MYRFL: variants seen among roughly 807,000 people sequenced by gnomAD.
MYRFL encodes the protein myelin regulatory factor-like protein.
A neutral mutation model predicts 109.4 loss-of-function variants in MYRFL; 88 were observed. The ratio of observed to expected loss-of-function variants is 0.80; its 90% CI spans 0.68 to 0.96. MYRFL has a LOEUF of 0.96. MYRFL is among the 40% of genes least tolerant of loss of function. MYRFL has a pLI of 0.00. For synonymous variants in MYRFL, 324 were observed against 320.9 expected, an observed-to-expected ratio of 1.01 and a Z score of -0.10; for missense variants, 957 against 954.9, an observed-to-expected ratio of 1.00 and a Z score of -0.03.
Position 69,854,309 on chromosome 12 carries a change from C to G in MYRFL, c.47-971C>G, listed in dbSNP as rs112044951. The stretch of plus-strand genomic sequence containing the variant: ...AGATGGCGGCAGCACAGTCCAGCCT[C>G]GGCTGGGCATCAGAGGGAGACCGTG... On this transcript the variant is annotated intron_variant, in intron 1 of 24. Coordinates refer to ENST00000552032, the MANE Select transcript of MYRFL (RefSeq NM_182530.3). 2.8e-5 allele frequency among the ~76,000 whole-genome samples: 4 copies of G among 144,518 alleles called. No homozygotes were observed. The South Asian group carries it at 9.5e-4, about 34-fold the overall frequency. 94.8% of individuals were successfully genotyped at this position (144,518 alleles called of 152,430 possible).
chr12:69,939,755 A>G (rs1192603784), intron 19 of MYRFL, among the ~76,000 whole-genome samples: 4 of 151,684 alleles, frequency 2.6e-5, no homozygotes, highest in Non-Finnish European at 5.9e-5. Context: ...GAGCTACGGG[A>G]GGACATTCAA....
chr12:69,842,577 A>G (rs1048649416), intron 1 of MYRFL, among the ~76,000 whole-genome samples: 1 of 152,224 alleles, frequency 6.6e-6, no homozygotes, highest in Non-Finnish European at 1.5e-5. Flanking sequence ...AAGCACATAC[A>G]GCTGGCAGTG....
At chr12:69,912,181 G>A (rs1404091474) in intron 13 of MYRFL, among the ~76,000 whole-genome samples, 9 of 152,182 alleles carry the variant, frequency 5.9e-5, no homozygotes, top group Non-Finnish European at 8.8e-5. Context: ...TGCTTCCCAA[G>A]AACATATCTT....
intron 11 of MYRFL, among the ~76,000 whole-genome samples, chr12:69,905,808 A>G (rs1254945769): frequency 6.6e-6 from 1 of 152,188 alleles, no homozygotes; most frequent in African/African-American, 2.4e-5. Context: ...TATTTGTAGA[A>G]ATCTTGTCTG....
At position 69,958,104 on chromosome 12, in the gene MYRFL, A is replaced by C; in HGVS notation, c.2572-145A>C. On this transcript the variant is annotated intron_variant, in intron 23 of 24. Transcript: ENST00000552032. ...CTAAGGCAACTTCTGTTCTGTTGCT[A>C]GGACTGTTCTAGCAACACCCATCAA... 4 of 1,164,672 alleles carry C rather than the reference A, an allele frequency of 3.4e-6. No homozygotes were observed. In the South Asian group the frequency reaches 6.3e-5, roughly 18 times the overall value. 72.1% of individuals were successfully genotyped at this position (1,164,672 alleles called of 1,614,324 possible).
At chr12:69,846,856 C>T (rs541289071) in intron 1 of MYRFL, among the ~76,000 whole-genome samples, 16 of 151,618 alleles carry the variant, frequency 1.1e-4, no homozygotes, top group Non-Finnish European at 2.2e-4. Context: ...CTCTCCAGCA[C>T]CTGTTGTTTC....
rs813147 is a variant in MYRFL, at chr12:69,936,307, A to G, written c.2016A>G (p.Pro672=). 1,206,230 of 1,535,410 alleles carry G rather than the reference A, an allele frequency of 0.79. 476,462 individuals are homozygous for G. Among genetic ancestry groups the G allele is most frequent in the Middle Eastern group, 0.85 (5,114 of 5,992 alleles). The change falls in exon 18 of 25, where the codon CCA becomes CCG. Residue 672 remains proline, a synonymous_variant. Coordinates refer to ENST00000552032, the MANE Select transcript of MYRFL (RefSeq NM_182530.3). The part of the protein sequence containing the change: ...PPSNITSSQE[P]ALLPTASSSA... Reference sequence around the variant, plus strand: ...GCAATATCACAAGCTCACAGGAGCCAGCTCTGCTGCCCACAGCCTCCTCCT... The same window carrying G: ...GCAATATCACAAGCTCACAGGAGCCGGCTCTGCTGCCCACAGCCTCCTCCT...
chr12:69,839,618 A>C (rs1036761701), intron 1 of MYRFL, among the ~76,000 whole-genome samples: 1 of 152,236 alleles, frequency 6.6e-6, no homozygotes, highest in African/African-American at 2.4e-5. Context: ...AGCAATACTT[A>C]AGCTCGCTAA....
intron 1 of MYRFL, among the ~76,000 whole-genome samples, chr12:69,847,850 A>T (rs1004868326): frequency 6.6e-6 from 1 of 152,154 alleles, no homozygotes; most frequent in Non-Finnish European, 1.5e-5. Flanking sequence ...CTTGCTTTTC[A>T]TGTAGTCTGA....
chr12:69,825,736 A>T (rs1882235121), intron 1 of MYRFL, among the ~76,000 whole-genome samples, 173 bp downstream of exon 1: 1 of 152,134 alleles, frequency 6.6e-6, no homozygotes, highest in South Asian at 2.1e-4. Flanking sequence ...AGCAAAATTC[A>T]ATGGTATGGA....
intron 13 of MYRFL, among the ~76,000 whole-genome samples, chr12:69,918,387 T>C (rs1006444296): frequency 2.6e-5 from 4 of 151,912 alleles, no homozygotes; most frequent in African/African-American, 7.3e-5. Context: ...GCTGAGAAGA[T>C]TGGATGAAAG....
chr12:69,890,509 G>A (rs1886732477), intron 6 of MYRFL, among the ~76,000 whole-genome samples: 1 of 152,204 alleles, frequency 6.6e-6, no homozygotes, highest in Non-Finnish European at 1.5e-5. Context: ...AGGTGGTTGG[G>A]ATCACTTGAG....
chr12:69,853,250 G>A (rs1224326484), intron 1 of MYRFL, among the ~76,000 whole-genome samples: 4 of 150,978 alleles, frequency 2.6e-5, no homozygotes, highest in Admixed American at 6.6e-5. Flanking sequence ...GCGGCTGGCC[G>A]GGCAGGGGCT....
rs1201121782 is a variant in MYRFL at position 69,886,491 on chromosome 12, C to CA, written c.557-328dup. ...TGTACTTTGGTTGATTGAGCTGGGT[C>CA]ACCTATCCTCCCGGCTCTGGGAATG... On this transcript the variant is annotated intron_variant, in intron 5 of 24. Transcript: ENST00000552032. 2.0e-5 allele frequency among the ~76,000 whole-genome samples: 3 copies of CA among 152,156 alleles called. 1 individual carries two copies. Among genetic ancestry groups the CA allele is most frequent in the Non-Finnish European group, 4.4e-5 (3 of 68,024 alleles).
chr12:69,951,387 A>C (rs2120545103), intron 19 of MYRFL, among the ~76,000 whole-genome samples: 1 of 148,768 alleles, frequency 6.7e-6, no homozygotes, highest in East Asian at 2.0e-4. Context: ...CTCTGTGCAC[A>C]CGTAGCCCTA....
In MYRFL at chr12:69,937,644, T is replaced by C. The variant is rs74539394; in HGVS notation, c.2224+1012T>C. Among the ~76,000 whole-genome samples the C allele has an allele frequency of 1.8e-4, 27 of 152,326 alleles. No homozygotes were observed. In the East Asian group the frequency reaches 5.2e-3, roughly 29 times the overall value. On this transcript the variant is annotated intron_variant, in intron 19 of 24. Transcript: ENST00000552032. ...CTTATACTTCATTGGCCAAAGCAAG[T>C]CACGTCACATTGGTCATGTCTAATT...
rs2120548766 is a variant in MYRFL, at chr12:69,952,192, G to C, written c.2287+17G>C. 6.5e-7 allele frequency: 1 copy of C among 1,535,522 alleles called. No individual in the cohort carries two copies. The highest frequency in any genetic ancestry group is 8.7e-7 in the Non-Finnish European group (1 of 1,146,334). On this transcript the variant is annotated intron_variant, in intron 20 of 24. Coordinates refer to ENST00000552032, the MANE Select transcript of MYRFL (RefSeq NM_182530.3). Reference sequence around the variant, plus strand: ...AGAGTGACTGTAAGTTGACATTTAAGTGACACTATTCTTTGGCTTTGCGGG... The same window carrying C: ...AGAGTGACTGTAAGTTGACATTTAACTGACACTATTCTTTGGCTTTGCGGG...
chr12:69,945,630 A>G (rs1298588468), intron 19 of MYRFL, among the ~76,000 whole-genome samples: 8 of 152,184 alleles, frequency 5.3e-5, no homozygotes, highest in Non-Finnish European at 7.3e-5. Context: ...TATTGGGAAG[A>G]ATAGCCCTTA....
Position 69,926,738 on chromosome 12 carries a change from C to T in MYRFL, c.1766+4C>T, listed in dbSNP as rs573248390. The T allele has an allele frequency of 4.2e-5, 60 of 1,441,334 alleles. No individual in the cohort carries two copies. The highest frequency in any genetic ancestry group is 1.7e-4 in the South Asian group (11 of 66,554). 89.3% of individuals were successfully genotyped at this position (1,441,334 alleles called of 1,614,324 possible). On this transcript the variant is annotated splice_donor_region_variant and intron_variant, in intron 14 of 24. Coordinates refer to ENST00000552032, the MANE Select transcript of MYRFL (RefSeq NM_182530.3). ...CCAGTGAAGCAAGCACAATCAGGTA[C>T]GTGCAGCCAGGATTGCCATAGAAAT...
Sources: gnomAD v4.1 joint callset for allele counts (sites outside exome capture counted in the v4.1 genomes callset) on GRCh38, gnomAD v4.1.1 for gene constraint, MANE v1.5 for transcripts, NCBI Gene and HGNC (gene_info 2026-07-23, HGNC 2026-07-21) for gene names.